Variants in ANKFY1 observed in about 807,000 individuals in gnomAD.
The protein encoded by ANKFY1 is ankyrin repeat and FYVE domain-containing protein 1.
A neutral mutation model predicts 128.3 loss-of-function variants in ANKFY1; 47 were observed. The observed-to-expected ratio is 0.37, with a 90% CI of 0.29 to 0.47. The LOEUF (loss-of-function observed/expected upper bound fraction) is 0.47, where lower values mean the gene tolerates loss of function less well. Ranked by LOEUF, ANKFY1 falls within the 20% of genes least tolerant of loss-of-function variation. The pLI, the probability that ANKFY1 is intolerant of heterozygous loss-of-function variation, is 1.00. For missense variants in ANKFY1, 1,222 were observed against 1,510.6 expected, an observed-to-expected ratio of 0.81 and a Z score of 3.17; for synonymous variants, 553 against 601.6, an observed-to-expected ratio of 0.92 and a Z score of 1.18.
At chr17:4,175,054 C>T (rs1208008329) in intron 19 of ANKFY1, among the ~76,000 whole-genome samples, 1 of 149,780 alleles carries the variant, frequency 6.7e-6, no homozygotes, top group East Asian at 2.1e-4. Flanking sequence ...GAACACAGGC[C>T]GGGTGCAGTG....
chr17:4,227,625 A>G (rs1165134723), intron 3 of ANKFY1, among the ~76,000 whole-genome samples: 2 of 152,234 alleles, frequency 1.3e-5, no homozygotes, highest in Non-Finnish European at 2.9e-5. Flanking sequence ...GCTTTCAGAC[A>G]AATGACTTGT....
intron 21 of ANKFY1, 113 bp from the exon 22 acceptor site, chr17:4,172,793 A>G: frequency 7.3e-7 from 1 of 1,373,034 alleles, no homozygotes; most frequent in East Asian, 2.4e-5. Context: ...GACACAAAAC[A>G]AGTCACAAAA....
At position 4,207,134 on chromosome 17, in the gene ANKFY1, A is replaced by G. The variant is rs151045057; in HGVS notation, c.733-648T>C. 8.2e-4 allele frequency among the ~76,000 whole-genome samples: 124 copies of G among 152,042 alleles called. 1 individual carries two copies. The highest frequency in any genetic ancestry group is 2.8e-3 in the African/African-American group (116 of 41,448). ...TATCTAACCACAGAGGGCCCGACCC[A>G]TCTAACCACAGAGGGCCCGACCCGT... On this transcript the variant is annotated intron_variant, in intron 6 of 24. Coordinates refer to ENST00000341657, the MANE Select transcript of ANKFY1 (RefSeq NM_001330063.2).
At chr17:4,252,116 C>CA (rs768447206) in intron 1 of ANKFY1, among the ~76,000 whole-genome samples, 3 of 148,946 alleles carry the variant, frequency 2.0e-5, no homozygotes, top group Admixed American at 1.3e-4. Flanking sequence ...TAAAAAAGAG[C>CA]AAAAAAACTG....
intron 3 of ANKFY1, among the ~76,000 whole-genome samples, chr17:4,224,504 ACTTTT>A (rs1490266654): frequency 6.6e-6 from 1 of 152,018 alleles, no homozygotes; most frequent in Non-Finnish European, 1.5e-5. Context: ...AAGATGCAAT[ACTTTT>A]CTTAGGAAAG....
intron 3 of ANKFY1, among the ~76,000 whole-genome samples, chr17:4,226,729 C>T (rs1424464927): frequency 2.8e-5 from 4 of 144,168 alleles, no homozygotes; most frequent in Non-Finnish European, 6.0e-5. Context: ...GGCGACACAA[C>T]GAGACTCCAT....
At chr17:4,182,520 G>A (rs1479168176) in intron 14 of ANKFY1, among the ~76,000 whole-genome samples, 171 bp from the exon 15 acceptor site, 1 of 152,178 alleles carries the variant, frequency 6.6e-6, no homozygotes, top group Non-Finnish European at 1.5e-5. Flanking sequence ...TGTCCATTCT[G>A]ACTTTTTAGA....
At chr17:4,177,346 A>C in intron 18 of ANKFY1, 44 bp from the exon 19 acceptor site, 1 of 1,516,910 alleles carries the variant, frequency 6.6e-7, no homozygotes, top group Non-Finnish European at 8.9e-7. Flanking sequence ...CCCTTTTCAG[A>C]GTACCTCCTG....
chr17:4,195,493 G>A, intron 8 of ANKFY1, 22 bp from the exon 9 acceptor site: 2 of 1,610,220 alleles, frequency 1.2e-6, no homozygotes, highest in Non-Finnish European at 1.7e-6. Context: ...AAAAGAAGAG[G>A]GGTCAGTTCA....
In ANKFY1 at chr17:4,189,513, T is replaced by C. The variant is rs888836722; in HGVS notation, c.1373-34A>G. On this transcript the variant is annotated intron_variant, in intron 10 of 24. Coordinates refer to ENST00000341657, the MANE Select transcript of ANKFY1 (RefSeq NM_001330063.2). Reference sequence around the variant, plus strand: ...AAATGGGCATTGCTGATTCTTCTGTTTGCATCAAAATGCGGTCACGCTGCA... The same window carrying C: ...AAATGGGCATTGCTGATTCTTCTGTCTGCATCAAAATGCGGTCACGCTGCA... 3.9e-6 allele frequency: 6 copies of C among 1,530,366 alleles called. No individual in the cohort carries two copies. The African/African-American group carries it at 8.2e-5, about 21-fold the overall frequency. 94.8% of individuals were successfully genotyped at this position (1,530,366 alleles called of 1,614,324 possible).
chr17:4,238,149 AT>A (rs1207927045), intron 2 of ANKFY1, among the ~76,000 whole-genome samples: 3 of 82,576 alleles, frequency 3.6e-5, no homozygotes, highest in East Asian at 3.9e-4. Context: ...TCTCTTATTT[AT>A]TTAAAAAAAA....
At chr17:4,211,918 ACAAAC>A (rs368479712) in intron 4 of ANKFY1, among the ~76,000 whole-genome samples, 6,251 of 29,294 alleles carry the variant, frequency 0.21, 384 homozygotes, top group Middle Eastern at 0.36. Context: ...AAACAAACAA[ACAAAC>A]AAAAAACATC....
intron 1 of ANKFY1, among the ~76,000 whole-genome samples, chr17:4,247,185 C>G (rs12601629): frequency 0.34 from 52,262 of 151,800 alleles, 9,217 homozygotes; most frequent in Admixed American, 0.41. Flanking sequence ...TCTATCTAAG[C>G]CTTCAAATGG....
Position 4,167,334 on chromosome 17 carries a change from C to A in ANKFY1, c.*445G>T, listed in dbSNP as rs1184302916. 6.5e-6 allele frequency: 1 copy of A among 154,508 alleles called. No individual in the cohort carries two copies. The highest frequency in any genetic ancestry group is 6.5e-5 in the Admixed American group (1 of 15,366). The allele number at this position is 154,508 out of a possible 1,614,324, so 9.6% of individuals were successfully genotyped here. A position where few individuals can be genotyped will look rare whatever the true frequency, so the allele number is the denominator to read the frequency against. On this transcript the variant is annotated 3_prime_UTR_variant, in exon 25 of 25. Coordinates refer to ENST00000341657, the MANE Select transcript of ANKFY1 (RefSeq NM_001330063.2). This position sits in a 1 kb window ranked among gnomAD's most constrained non-coding sequence, Gnocchi z 4.1. The stretch of plus-strand genomic sequence containing the variant: ...GTGCAGAAAAGTCCACAGCCACTTA[C>A]CCTAGAGTAAAGCCAGCTCATTAAG...
rs2059466476 is a variant in ANKFY1 at position 4,179,323 on chromosome 17, A to T, written c.2398-266T>A. 33 of 553,042 alleles carry T rather than the reference A, an allele frequency of 6.0e-5. No homozygotes were observed. In the East Asian group the frequency reaches 1.0e-3, roughly 17 times the overall value. The allele number at this position is 553,042 out of a possible 1,614,324, so 34.3% of individuals were successfully genotyped here. On this transcript the variant is annotated intron_variant, in intron 17 of 24. Transcript: ENST00000341657. ...CAGTGAGTCTCCGCTCTAAGCCACC[A>T]CTCCTTATCTGGCTATAGGGCCTTA... is the stretch of plus-strand genomic sequence containing the variant.
chr17:4,192,693 A>G (rs1030191822), intron 10 of ANKFY1, among the ~76,000 whole-genome samples: 3 of 152,210 alleles, frequency 2.0e-5, no homozygotes, highest in African/African-American at 7.2e-5. Flanking sequence ...CTTAAATTCT[A>G]TATCTCCCAA....
chr17:4,194,017 C>T (rs2059766862), intron 10 of ANKFY1, among the ~76,000 whole-genome samples: 1 of 150,212 alleles, frequency 6.7e-6, no homozygotes, highest in African/African-American at 2.4e-5. Flanking sequence ...CTCAGCCTCC[C>T]AAAGTGCTAG....
At chr17:4,173,331 C>G (rs770569552) in intron 21 of ANKFY1, 23 bp downstream of exon 21, 1 of 1,610,932 alleles carries the variant, frequency 6.2e-7, no homozygotes, top group East Asian at 2.2e-5. Flanking sequence ...GCCGCGGGGC[C>G]TACTCGGGCC....
chr17:4,200,854 G>A (rs982975113), intron 7 of ANKFY1, among the ~76,000 whole-genome samples: 9 of 151,972 alleles, frequency 5.9e-5, no homozygotes, highest in African/African-American at 2.2e-4. Context: ...CATATCTTAC[G>A]ATATCATTTC....
Sources: gnomAD v4.1 joint callset for allele counts (sites outside exome capture counted in the v4.1 genomes callset) on GRCh38, gnomAD v4.1.1 for gene constraint, Gnocchi (gnomAD v3.1) non-coding constraint, MANE v1.5 for transcripts, NCBI Gene and HGNC (gene_info 2026-07-23, HGNC 2026-07-21) for gene names.